Variants in DKK2 observed in about 807,000 individuals in gnomAD.
DKK2 encodes dickkopf-related protein 2.
DKK2 carries 11 observed loss-of-function variants against 28.1 expected under a neutral mutation model. The ratio of observed to expected loss-of-function variants is 0.39; its 90% CI spans 0.25 to 0.65. DKK2 has a LOEUF of 0.65. DKK2 is among the 30% of genes least tolerant of loss of function. The pLI is 0.47. For synonymous variants in DKK2, 135 were observed against 126.5 expected (o/e 1.07, Z -0.45); for missense variants, 326 against 335.5 (o/e 0.97, Z 0.22).
At chr4:107,027,982 G>A (rs1723815297) in intron 1 of DKK2, among the ~76,000 whole-genome samples, 1 of 151,966 alleles carries the variant, frequency 6.6e-6, no homozygotes, top group Non-Finnish European at 1.5e-5. Context: ...TCGATCTCCT[G>A]ACCTCGTGAT....
At chr4:106,992,756 T>C (rs1232721184) in intron 1 of DKK2, among the ~76,000 whole-genome samples, 2 of 152,168 alleles carry the variant, frequency 1.3e-5, no homozygotes, top group African/African-American at 4.8e-5. Flanking sequence ...GGGCAGAGTG[T>C]AGCAGAGGGA....
intron 1 of DKK2, among the ~76,000 whole-genome samples, chr4:107,008,625 C>T (rs911866974): frequency 2.0e-5 from 3 of 151,928 alleles, no homozygotes; most frequent in African/African-American, 4.8e-5. Flanking sequence ...AGGGCAGAGA[C>T]AATCAGATTT....
chr4:107,006,010 CAA>C, intron 1 of DKK2, among the ~76,000 whole-genome samples: 1 of 152,200 alleles, frequency 6.6e-6, no homozygotes, highest in East Asian at 1.9e-4. Context: ...TCATTAAAGG[CAA>C]AGAGACTTAA....
chr4:106,980,783 A>G (rs1473954746), intron 1 of DKK2, among the ~76,000 whole-genome samples: 1 of 152,202 alleles, frequency 6.6e-6, no homozygotes, highest in East Asian at 1.9e-4. Context: ...AATGTTACCA[A>G]TAATAACTAA....
At chr4:107,000,352 T>C (rs1723341638) in intron 1 of DKK2, among the ~76,000 whole-genome samples, 1 of 152,232 alleles carries the variant, frequency 6.6e-6, no homozygotes, top group African/African-American at 2.4e-5. Context: ...TGAAGAATGT[T>C]GTTTACAACA....
chr4:106,963,144 G>T (rs1038683261), intron 1 of DKK2, among the ~76,000 whole-genome samples: 16 of 151,890 alleles, frequency 1.1e-4, no homozygotes, highest in African/African-American at 3.9e-4. Flanking sequence ...CACTAGGTCA[G>T]GAGTTCGAGA....
intron 1 of DKK2, among the ~76,000 whole-genome samples, chr4:106,993,618 G>A (rs2110362479): frequency 6.6e-6 from 1 of 151,922 alleles, no homozygotes; most frequent in Middle Eastern, 3.4e-3. Context: ...GCCAAAATAG[G>A]CAAACTAGAT....
At chr4:106,967,142 G>A (rs1281809909) in intron 1 of DKK2, among the ~76,000 whole-genome samples, 3 of 152,048 alleles carry the variant, frequency 2.0e-5, no homozygotes, top group African/African-American at 7.2e-5. Flanking sequence ...CACAGGCCAG[G>A]CACCATGTCA....
intron 1 of DKK2, among the ~76,000 whole-genome samples, chr4:106,978,462 C>T (rs1178791645): frequency 6.6e-6 from 1 of 152,150 alleles, no homozygotes; most frequent in Non-Finnish European, 1.5e-5. Context: ...TCTAGAGAGG[C>T]AGTCTGACTA....
chr4:107,023,015 G>A (rs1282361566), intron 1 of DKK2, among the ~76,000 whole-genome samples: 4 of 152,040 alleles, frequency 2.6e-5, no homozygotes, highest in African/African-American at 9.7e-5. Context: ...CCTGTCAGAT[G>A]TCCAAGTAGA....
intron 1 of DKK2, among the ~76,000 whole-genome samples, chr4:106,976,507 C>CT: frequency 6.6e-6 from 1 of 152,206 alleles, no homozygotes; most frequent in Non-Finnish European, 1.5e-5. Flanking sequence ...CCTTCTTTGT[C>CT]TTTTTTGATC....
At chr4:106,934,179 A>G (rs9995574) in intron 1 of DKK2, among the ~76,000 whole-genome samples, 9,390 of 152,214 alleles carry the variant, frequency 0.062, 317 homozygotes, top group Non-Finnish European at 0.074. Flanking sequence ...AGACCAGACA[A>G]GATCAAGAAC....
Position 106,981,832 on chromosome 4 carries a change from A to G in DKK2, c.222+53538T>C, listed in dbSNP as rs187153982. Among the ~76,000 whole-genome samples, 11 of 152,220 alleles carry G rather than the reference A, an allele frequency of 7.2e-5. No individual in the cohort carries two copies. The East Asian group carries it at 2.1e-3, about 29-fold the overall frequency. ...TTTATTTATCATTCACCCTATTTAT[A>G]TCATACTTATATAATATATTTATGT... On this transcript the variant is annotated intron_variant, in intron 1 of 3. Transcript: ENST00000285311.
At chr4:107,008,453 T>C (rs1347572422) in intron 1 of DKK2, among the ~76,000 whole-genome samples, 1 of 152,028 alleles carries the variant, frequency 6.6e-6, no homozygotes, top group African/African-American at 2.4e-5. Context: ...AAAGGCTTTT[T>C]GGAGAAAGTG....
At chr4:106,961,586 C>T (rs1030037756) in intron 1 of DKK2, among the ~76,000 whole-genome samples, 1 of 151,966 alleles carries the variant, frequency 6.6e-6, no homozygotes, top group Non-Finnish European at 1.5e-5. Context: ...CACACACACA[C>T]ACACACACAC....
At chr4:106,988,100 G>A (rs1488265106) in intron 1 of DKK2, among the ~76,000 whole-genome samples, 3 of 152,040 alleles carry the variant, frequency 2.0e-5, no homozygotes, top group East Asian at 1.9e-4. Flanking sequence ...TCCTGACCTC[G>A]TGATCTGCCC....
chr4:106,970,734 T>A (rs906635727), intron 1 of DKK2, among the ~76,000 whole-genome samples: 3 of 152,098 alleles, frequency 2.0e-5, no homozygotes, highest in Non-Finnish European at 4.4e-5. Flanking sequence ...GTGGCACTGC[T>A]GATCATTGGA....
intron 1 of DKK2, among the ~76,000 whole-genome samples, chr4:106,995,214 A>G (rs1723254641): frequency 6.6e-6 from 1 of 152,130 alleles, no homozygotes. Flanking sequence ...TTGAATCTAT[A>G]GAATTTTTGT....
chr4:106,936,224 T>A (rs1327854315), intron 1 of DKK2, among the ~76,000 whole-genome samples: 4 of 151,620 alleles, frequency 2.6e-5, no homozygotes, highest in South Asian at 2.1e-4. Context: ...TTGAAAAAAA[T>A]TTAGAAGAAT....
Sources: gnomAD v4.1 joint callset for allele counts (sites outside exome capture counted in the v4.1 genomes callset) on GRCh38, gnomAD v4.1.1 for gene constraint, MANE v1.5 for transcripts, NCBI Gene and HGNC (gene_info 2026-07-23, HGNC 2026-07-21) for gene names.